The following ATXN7L1 variants were observed in gnomAD, a reference collection of about 807,000 sequenced individuals.
The protein encoded by ATXN7L1 is ataxin-7-like protein 1.
Under a neutral mutation model 70.8 loss-of-function variants are expected in ATXN7L1, and 15 were observed. The observed-to-expected ratio is 0.21, with a 90% CI of 0.14 to 0.33. ATXN7L1 has a LOEUF of 0.33. ATXN7L1 is among the 10% of genes least tolerant of loss of function. The pLI, the probability that ATXN7L1 is intolerant of heterozygous loss-of-function variation, is 1.00. For synonymous variants in ATXN7L1, 440 were observed against 445.1 expected (o/e 0.99, Z 0.14); for missense variants, 975 against 1,097.1 (o/e 0.89, Z 1.57).
At chr7:105,816,054 T>C (rs553409333) in intron 2 of ATXN7L1, among the ~76,000 whole-genome samples, 4 of 152,324 alleles carry the variant, frequency 2.6e-5, no homozygotes, top group African/African-American at 9.6e-5. Flanking sequence ...CTGTAAACAC[T>C]GACCATGAAT....
chr7:105,634,234 C>T (rs1215252048), intron 7 of ATXN7L1, among the ~76,000 whole-genome samples: 1 of 152,172 alleles, frequency 6.6e-6, no homozygotes. Context: ...ATCACCCGTC[C>T]CCTGTCTGCC....
intron 3 of ATXN7L1, among the ~76,000 whole-genome samples, chr7:105,772,422 C>T (rs567319616): frequency 7.6e-4 from 116 of 152,162 alleles, no homozygotes; most frequent in African/African-American, 2.6e-3. Context: ...ACAAGAGAGA[C>T]ACCTAAAACA....
Position 105,665,128 on chromosome 7 carries a change from T to G in ATXN7L1, c.516A>C (p.Leu172=), listed in dbSNP as rs1419800173. The G allele has an allele frequency of 1.9e-6, 3 of 1,551,562 alleles. No individual in the cohort carries two copies. In the East Asian group the frequency reaches 7.3e-5, roughly 38 times the overall value. The change falls in exon 4 of 12, where the codon CTA becomes CTC. Residue 172 remains leucine (L), a synonymous_variant. Coordinates refer to ENST00000419735, the MANE Select transcript of ATXN7L1 (RefSeq NM_020725.2). The stretch of plus-strand genomic sequence containing the variant: ...TGTGCTGTTTGCTGCTGGAGGTAAG[T>G]AGATTGTCTTTGGGCGTTTTGAATG... ...SKPFKTPKDN[L]LTSSSKQHTV...
chr7:105,766,820 G>A (rs1242027392), intron 3 of ATXN7L1, among the ~76,000 whole-genome samples: 1 of 152,216 alleles, frequency 6.6e-6, no homozygotes, highest in Non-Finnish European at 1.5e-5. Flanking sequence ...CAGGCTGGGT[G>A]TACACCCAGG....
At chr7:105,820,710 T>A (rs992734700) in intron 2 of ATXN7L1, among the ~76,000 whole-genome samples, 3 of 152,198 alleles carry the variant, frequency 2.0e-5, no homozygotes, top group African/African-American at 7.2e-5. Context: ...AAATCTCATG[T>A]TGAAATGTGA....
chr7:105,801,729 G>T (rs981389911), intron 2 of ATXN7L1, among the ~76,000 whole-genome samples: 3 of 152,128 alleles, frequency 2.0e-5, no homozygotes, highest in Non-Finnish European at 4.4e-5. Context: ...TGCTGGAGCC[G>T]AATGGAACTG....
At chr7:105,807,961 A>T (rs1807863325) in intron 2 of ATXN7L1, among the ~76,000 whole-genome samples, 1 of 152,242 alleles carries the variant, frequency 6.6e-6, no homozygotes, top group Non-Finnish European at 1.5e-5. Flanking sequence ...GTCCTTAAAG[A>T]GGCCTGAGCT....
intron 3 of ATXN7L1, among the ~76,000 whole-genome samples, chr7:105,736,739 C>T (rs1584882557): frequency 6.6e-6 from 1 of 152,328 alleles, no homozygotes; most frequent in Non-Finnish European, 1.5e-5. Context: ...CCAGCTCTTC[C>T]CCAGACTAAT....
At chr7:105,837,623 TC>T (rs1812596670) in intron 2 of ATXN7L1, among the ~76,000 whole-genome samples, 1 of 151,922 alleles carries the variant, frequency 6.6e-6, no homozygotes, top group African/African-American at 2.4e-5. Flanking sequence ...AGATGTATCA[TC>T]CCCAGAATCC....
chr7:105,653,281 C>G (rs969892274), intron 4 of ATXN7L1, among the ~76,000 whole-genome samples: 1 of 152,088 alleles, frequency 6.6e-6, no homozygotes, highest in Non-Finnish European at 1.5e-5. Context: ...AACCCCGTCT[C>G]TACTAAAAAT....
At chr7:105,823,570 G>C (rs1355111217) in intron 2 of ATXN7L1, among the ~76,000 whole-genome samples, 1 of 152,232 alleles carries the variant, frequency 6.6e-6, no homozygotes, top group Non-Finnish European at 1.5e-5. Context: ...ATCCCCAGCA[G>C]TGCCTTGAAC....
intron 2 of ATXN7L1, among the ~76,000 whole-genome samples, chr7:105,845,501 TG>T (rs1813889364): frequency 8.7e-6 from 1 of 115,390 alleles, no homozygotes; most frequent in Non-Finnish European, 2.0e-5. Flanking sequence ...ACGTAATCTT[TG>T]TAAGTACCCA....
chr7:105,833,304 C>T (rs1811899724), intron 2 of ATXN7L1, among the ~76,000 whole-genome samples: 2 of 152,166 alleles, frequency 1.3e-5, no homozygotes, highest in African/African-American at 4.8e-5. Flanking sequence ...ATCTTTTGTT[C>T]ACTCATCTTG....
chr7:105,712,887 T>C (rs1045024445), intron 3 of ATXN7L1, among the ~76,000 whole-genome samples: 3 of 152,200 alleles, frequency 2.0e-5, no homozygotes, highest in African/African-American at 7.2e-5. Context: ...TATAGCAGTG[T>C]TTCACTCCTG....
chr7:105,706,714 T>G (rs1793221195), intron 3 of ATXN7L1, among the ~76,000 whole-genome samples: 1 of 152,232 alleles, frequency 6.6e-6, no homozygotes, highest in African/African-American at 2.4e-5. Flanking sequence ...TCACCAACTC[T>G]GTGGCTTCTA....
intron 3 of ATXN7L1, among the ~76,000 whole-genome samples, chr7:105,670,133 G>A (rs1337817155): frequency 6.6e-6 from 1 of 152,098 alleles, no homozygotes; most frequent in Non-Finnish European, 1.5e-5. Flanking sequence ...ACAGTTTTGC[G>A]TTGGTGAGGA....
chr7:105,818,177 T>G (rs7786379), intron 2 of ATXN7L1, among the ~76,000 whole-genome samples: 42 of 151,656 alleles, frequency 2.8e-4, no homozygotes, highest in African/African-American at 9.2e-4. Context: ...TAAAAAAAAA[T>G]TTTTTTTTGA....
At chr7:105,725,987 C>T (rs34503667) in intron 3 of ATXN7L1, among the ~76,000 whole-genome samples, 53,536 of 150,466 alleles carry the variant, frequency 0.36, 10,199 homozygotes, top group African/African-American at 0.5. Context: ...ATGCAGCCTC[C>T]GCCTCCTGGG....
At chr7:105,778,524 A>C (rs1314122356) in intron 3 of ATXN7L1, among the ~76,000 whole-genome samples, 5 of 138,376 alleles carry the variant, frequency 3.6e-5, no homozygotes, top group South Asian at 2.2e-4. Flanking sequence ...AAAAAAAAAA[A>C]AAAAAAAAAA....
Sources: gnomAD v4.1 joint callset for allele counts (sites outside exome capture counted in the v4.1 genomes callset) on GRCh38, gnomAD v4.1.1 for gene constraint, MANE v1.5 for transcripts, NCBI Gene and HGNC (gene_info 2026-07-23, HGNC 2026-07-21) for gene names.